Variants in QSOX1 observed in about 807,000 individuals in gnomAD.
QSOX1 encodes the protein sulfhydryl oxidase 1.
Under a neutral mutation model 76.1 loss-of-function variants are expected in QSOX1, and 40 were observed. The observed-to-expected ratio is 0.53, with a 90% CI of 0.41 to 0.68. QSOX1 has a LOEUF of 0.68. Ranked by LOEUF, QSOX1 falls within the 30% of genes least tolerant of loss-of-function variation. QSOX1 has a pLI of 0.00. For synonymous variants in QSOX1, 392 were observed against 413.1 expected, an observed-to-expected ratio of 0.95 and a Z score of 0.62; for missense variants, 931 against 974.3, an observed-to-expected ratio of 0.96 and a Z score of 0.59.
Position 180,190,437 on chromosome 1 carries a change from C to A in QSOX1, c.1145C>A (p.Ala382Asp), listed in dbSNP as rs1316816978. ...TCACACTCATGTGTCCCTCAGGGTG[C>A]CGTTCTTGCCAAGAAGGTGAACTGG... Reference protein sequence around the residue: ...KTALDDRKEGAVLAKKVNWIG... With the variant: ...KTALDDRKEGDVLAKKVNWIG... Residue 382 changes from alanine to aspartate, a missense_variant, in exon 10 of 12, where the codon GCC becomes GAC. Coordinates refer to ENST00000367602, the MANE Select transcript of QSOX1 (RefSeq NM_002826.5). 2 of 1,613,090 alleles carry A rather than the reference C, an allele frequency of 1.2e-6. No individual in the cohort carries two copies. Among genetic ancestry groups the A allele is most frequent in the East Asian group, 4.5e-5 (2 of 44,898 alleles).
At chr1:180,168,141 G>T (rs1662674029) in intron 2 of QSOX1, among the ~76,000 whole-genome samples, 1 of 152,270 alleles carries the variant, frequency 6.6e-6, no homozygotes, top group Non-Finnish European at 1.5e-5. Context: ...GGCACAGCAG[G>T]GATGAAGGAG....
At position 180,203,992 on chromosome 1, in the gene QSOX1, A is replaced by G. The variant is rs1046600; in HGVS notation, c.*6955A>G. The G allele has an allele frequency of 6.6e-6, 1 of 152,228 alleles. No individual in the cohort carries two copies. The highest frequency in any genetic ancestry group is 2.4e-5 in the African/African-American group (1 of 41,452). 9.4% of individuals were successfully genotyped at this position (152,228 alleles called of 1,614,324 possible). On this transcript the variant is annotated 3_prime_UTR_variant, in exon 12 of 12. Transcript: ENST00000367602. Reference sequence around the variant, plus strand: ...AACTTCTGTTGTAAATAATAAAAGCACTAAATCCCTACTGAAAATAAAGGG... The same window carrying G: ...AACTTCTGTTGTAAATAATAAAAGCGCTAAATCCCTACTGAAAATAAAGGG...
chr1:180,185,977 A>G, intron 7 of QSOX1, 76 bp from the exon 8 acceptor site: 3 of 1,539,374 alleles, frequency 1.9e-6, no homozygotes, highest in Non-Finnish European at 2.7e-6. Flanking sequence ...CTCTCCCTTT[A>G]GCCCTGGATG....
intron 1 of QSOX1, among the ~76,000 whole-genome samples, chr1:180,160,030 A>C (rs559598422): frequency 5.3e-5 from 8 of 152,218 alleles, no homozygotes; most frequent in African/African-American, 1.9e-4. Flanking sequence ...TTCCAGCTGG[A>C]GAGAGACCAT....
At chr1:180,174,985 A>G (rs556152524) in intron 2 of QSOX1, among the ~76,000 whole-genome samples, 1 of 151,768 alleles carries the variant, frequency 6.6e-6, no homozygotes, top group Admixed American at 6.6e-5. Flanking sequence ...CCCCATCTCT[A>G]CTAAAAATAC....
Position 180,189,639 on chromosome 1 carries a change from A to G in QSOX1, c.1105A>G (p.Ser369Gly), listed in dbSNP as rs200058535. 51 of 1,613,258 alleles carry G rather than the reference A, an allele frequency of 3.2e-5. No individual in the cohort carries two copies. Among genetic ancestry groups the G allele is most frequent in the Non-Finnish European group, 4.1e-5 (48 of 1,179,412 alleles). Residue 369 changes from serine (S) to glycine (G), a missense_variant, in exon 9 of 12, where the codon AGT becomes GGT. Coordinates refer to ENST00000367602, the MANE Select transcript of QSOX1 (RefSeq NM_002826.5). The stretch of plus-strand genomic sequence containing the variant: ...GCAGAAGAGAAATAAAATTCCCTAC[A>G]GTTTCTTTAAAACTGCCCTGGACGA... ...KRQKRNKIPY[S>G]FFKTALDDRK...
Position 180,199,834 on chromosome 1 carries a change from T to C in QSOX1, c.*2797T>C, listed in dbSNP as rs1329541251. On this transcript the variant is annotated 3_prime_UTR_variant, in exon 12 of 12. Transcript: ENST00000367602. Reference sequence around the variant, plus strand: ...AGGCTGGAGGGGCCCAATGTAGGTGTAGAGGGACTACAGCCCTGAGGGGCT... The same window carrying C: ...AGGCTGGAGGGGCCCAATGTAGGTGCAGAGGGACTACAGCCCTGAGGGGCT... 1 of 150,752 alleles carries C rather than the reference T, an allele frequency of 6.6e-6. No homozygotes were observed. The highest frequency in any genetic ancestry group is 1.5e-5 in the Non-Finnish European group (1 of 67,872). 9.3% of individuals were successfully genotyped at this position (150,752 alleles called of 1,614,324 possible). A position where few individuals can be genotyped will look rare whatever the true frequency, so the allele number is the denominator to read the frequency against.
At chr1:180,174,867 A>G (rs150019191) in intron 2 of QSOX1, among the ~76,000 whole-genome samples, 1 of 152,034 alleles carries the variant, frequency 6.6e-6, no homozygotes, top group Admixed American at 6.6e-5. Context: ...CATTTTACAG[A>G]TGAAGAAACA....
At position 180,203,470 on chromosome 1, in the gene QSOX1, G is replaced by A. The variant is rs1663675647; in HGVS notation, c.*6433G>A. On this transcript the variant is annotated 3_prime_UTR_variant, in exon 12 of 12. Coordinates refer to ENST00000367602, the MANE Select transcript of QSOX1 (RefSeq NM_002826.5). ...ACAACTGCAGAGCCCCTGACAGTGA[G>A]TGTCTCAGTAGCCTCGCCCTAGTCC... is the stretch of plus-strand genomic sequence containing the variant. The A allele has an allele frequency of 6.6e-6, 1 of 152,224 alleles. No individual in the cohort carries two copies. Among genetic ancestry groups the A allele is most frequent in the African/African-American group, 2.4e-5 (1 of 41,454 alleles). The allele number at this position is 152,224 out of a possible 1,614,324, so 9.4% of individuals were successfully genotyped here. A position where few individuals can be genotyped will look rare whatever the true frequency, so the allele number is the denominator to read the frequency against.
Position 180,182,224 on chromosome 1 carries a change from G to A in QSOX1, c.657G>A (p.Leu219=), listed in dbSNP as rs781704105. The change falls in exon 6 of 12, where the codon CTG becomes CTA. Residue 219 remains leucine, a synonymous_variant. Transcript: ENST00000367602. ...QHKGVAVRRV[L]NTEANVVRKF... is the part of the protein sequence containing the mutation. ...AAGGCGTGGCGGTGCGCAGGGTGCT[G>A]AACACAGAGGCCAATGTGGTGAGAA... 88 of 1,614,116 alleles carry A rather than the reference G, an allele frequency of 5.5e-5. No homozygotes were observed. Among genetic ancestry groups the A allele is most frequent in the Non-Finnish European group, 7.2e-5 (85 of 1,180,056 alleles).
chr1:180,178,699 C>T, intron 4 of QSOX1, 95 bp from the exon 5 acceptor site: 1 of 1,121,986 alleles, frequency 8.9e-7, no homozygotes, highest in South Asian at 1.3e-5. Context: ...GATGGCCATA[C>T]CTGCAGCACT....
chr1:180,203,407 G>T lies in QSOX1; in HGVS notation c.*6370G>T, dbSNP rs1341490889. ...TAGAGCAAGGCAAGTGAGGTGCCAG[G>T]ATGCAAAAGTTAAGGAGACACCTGA... On this transcript the variant is annotated 3_prime_UTR_variant, in exon 12 of 12. Coordinates refer to ENST00000367602, the MANE Select transcript of QSOX1 (RefSeq NM_002826.5). 1 of 152,238 alleles carries T rather than the reference G, an allele frequency of 6.6e-6. No homozygotes were observed. The highest frequency in any genetic ancestry group is 1.5e-5 in the Non-Finnish European group (1 of 68,042). 9.4% of individuals were successfully genotyped at this position (152,238 alleles called of 1,614,324 possible). A position where few individuals can be genotyped will look rare whatever the true frequency, so the allele number is the denominator to read the frequency against.
Position 180,189,663 on chromosome 1 carries a change from G to A in QSOX1, c.1129G>A (p.Asp377Asn), listed in dbSNP as rs568957643. The change falls in exon 9 of 12, where the codon GAC (aspartate) becomes AAC (asparagine). Residue 377 changes from aspartate (D) to asparagine (N), a missense_variant. By Grantham distance (23) the Asp-to-Asn change is conservative (BLOSUM62 1). Coordinates refer to ENST00000367602, the MANE Select transcript of QSOX1 (RefSeq NM_002826.5). The stretch of plus-strand genomic sequence containing the variant: ...CAGTTTCTTTAAAACTGCCCTGGAC[G>A]ACAGGAAAGAGGTGAGTCTGGGAAG... ...PYSFFKTALD[D>N]RKEGAVLAKK... The A allele has an allele frequency of 2.0e-5, 32 of 1,612,798 alleles. No homozygotes were observed. In the South Asian group the frequency reaches 2.3e-4, roughly 12 times the overall value.
At chr1:180,167,133 G>A (rs1572040431) in intron 2 of QSOX1, among the ~76,000 whole-genome samples, 1 of 152,294 alleles carries the variant, frequency 6.6e-6, no homozygotes, top group East Asian at 1.9e-4. Flanking sequence ...CCCAGTGCAG[G>A]GCATCAACAG....
At chr1:180,156,475 T>G (rs1458710913) in intron 1 of QSOX1, among the ~76,000 whole-genome samples, 1 of 152,216 alleles carries the variant, frequency 6.6e-6, no homozygotes, top group African/African-American at 2.4e-5. Flanking sequence ...ATTCAACTCT[T>G]TGTGGTAGAA....
At chr1:180,166,853 G>A (rs1662642922) in intron 2 of QSOX1, among the ~76,000 whole-genome samples, 1 of 152,196 alleles carries the variant, frequency 6.6e-6, no homozygotes, top group Non-Finnish European at 1.5e-5. Context: ...CTGTGGGCAG[G>A]GTCAGACTCT....
intron 2 of QSOX1, among the ~76,000 whole-genome samples, chr1:180,169,527 A>G (rs1662714498): frequency 6.6e-6 from 1 of 152,226 alleles, no homozygotes; most frequent in South Asian, 2.1e-4. Context: ...TGGGATGATA[A>G]CATCCACCTA....
At chr1:180,195,711 G>T (rs1447575659) in intron 11 of QSOX1, among the ~76,000 whole-genome samples, 1 of 152,218 alleles carries the variant, frequency 6.6e-6, no homozygotes, top group Non-Finnish European at 1.5e-5. Flanking sequence ...ACCCCAGAGG[G>T]CTGCTGCTGG....
Position 180,155,002 on chromosome 1 carries a change from G to C in QSOX1, c.95G>C (p.Arg32Pro), listed in dbSNP as rs1315508178. 6.6e-7 allele frequency: 1 copy of C among 1,510,190 alleles called. No individual in the cohort carries two copies. The highest frequency in any genetic ancestry group is 8.8e-7 in the Non-Finnish European group (1 of 1,136,820). 93.5% of individuals were successfully genotyped at this position (1,510,190 alleles called of 1,614,324 possible). A position where few individuals can be genotyped will look rare whatever the true frequency, so the allele number is the denominator to read the frequency against. ...LAVPGANAAP[R>P]SALYSPSDPL... is the part of the protein sequence containing the mutation. ...GTTCCCGGCGCTAACGCGGCCCCGC[G>C]GTCGGCGCTCTATTCGCCTTCCGAC... Residue 32 changes from arginine to proline, a missense_variant, in exon 1 of 12, where the codon CGG (arginine) becomes CCG (proline). Coordinates refer to ENST00000367602, the MANE Select transcript of QSOX1 (RefSeq NM_002826.5).
Sources: allele counts gnomAD v4.1 joint callset (sites outside exome capture counted in the v4.1 genomes callset), GRCh38; gene constraint gnomAD v4.1.1; transcripts MANE v1.5; gene names NCBI Gene and HGNC (gene_info 2026-07-23, HGNC 2026-07-21).